The following PCDHGB7 variants were observed in gnomAD, a reference collection of about 807,000 sequenced individuals.
PCDHGB7 encodes the protein protocadherin gamma subfamily B, 7.
A neutral mutation model predicts 61.4 loss-of-function variants in PCDHGB7; 37 were observed. The observed-to-expected ratio is 0.60, with a 90% CI of 0.46 to 0.79. The LOEUF (loss-of-function observed/expected upper bound fraction) is 0.79. Ranked by LOEUF, PCDHGB7 falls within the 30% of genes least tolerant of loss-of-function variation. The pLI is 0.00. For synonymous variants in PCDHGB7, 464 were observed against 503.5 expected (o/e 0.92, Z 1.05); for missense variants, 1,166 against 1,202.5 (o/e 0.97, Z 0.45).
At position 141,491,969 on chromosome 5, in the gene PCDHGB7, C is replaced by A; in HGVS notation, c.2416-2838C>A. ...CCCCTACACTCAAAAAAGGCCGGGGCCTCCTTCGAGCTTCCGGTGAATTTC... is the reference window on the plus strand; with the variant it reads ...CCCCTACACTCAAAAAAGGCCGGGGACTCCTTCGAGCTTCCGGTGAATTTC... On this transcript the variant is annotated intron_variant, in intron 1 of 3. Coordinates refer to ENST00000398594, the MANE Select transcript of PCDHGB7 (RefSeq NM_018927.4). The surrounding 1 kb of genome is among the most constrained non-coding windows in gnomAD (Gnocchi z 6.9). 1 of 898,714 alleles carries A rather than the reference C, an allele frequency of 1.1e-6. No individual in the cohort carries two copies. Among genetic ancestry groups the A allele is most frequent in the Non-Finnish European group, 1.6e-6 (1 of 629,384 alleles). 55.7% of individuals were successfully genotyped at this position (898,714 alleles called of 1,614,324 possible). A position where few individuals can be genotyped will look rare whatever the true frequency, so the allele number is the denominator to read the frequency against.
rs761824602 is a variant in PCDHGB7, at chr5:141,418,433, C to A, written c.574C>A (p.Pro192Thr). The change falls in exon 1 of 4, where the codon CCA (proline) becomes ACA (threonine). Residue 192 changes from proline to threonine, a missense_variant. By Grantham distance (38) the Pro-to-Thr change is conservative (BLOSUM62 -1). Transcript: ENST00000398594. ...EKDNPDGGKYPELVLQKTLDR... is the reference protein window; with the variant it reads ...EKDNPDGGKYTELVLQKTLDR... ...AGACAATCCTGATGGTGGCAAATAT[C>A]CAGAATTAGTATTGCAGAAGACTCT... 6 of 1,613,820 alleles carry A rather than the reference C, an allele frequency of 3.7e-6. No homozygotes were observed. Among genetic ancestry groups the A allele is most frequent in the South Asian group, 3.3e-5 (3 of 91,082 alleles).
At chr5:141,471,786 A>G (rs1043196530) in intron 1 of PCDHGB7, among the ~76,000 whole-genome samples, 6 of 152,244 alleles carry the variant, frequency 3.9e-5, no homozygotes, top group African/African-American at 1.4e-4. Flanking sequence ...ACATTATGCT[A>G]TGTCATATAA....
intron 1 of PCDHGB7, among the ~76,000 whole-genome samples, chr5:141,436,175 A>G (rs1263518258): frequency 1.3e-5 from 2 of 152,192 alleles, no homozygotes; most frequent in Non-Finnish European, 2.9e-5. Flanking sequence ...CAGTTCTCAT[A>G]TATAGTCAAA....
At chr5:141,466,384 T>C (rs1209046694) in intron 1 of PCDHGB7, among the ~76,000 whole-genome samples, 9 of 152,168 alleles carry the variant, frequency 5.9e-5, no homozygotes, top group Non-Finnish European at 1.3e-4. Context: ...ACCCATCTAA[T>C]GGAAAGTTTG....
At chr5:141,468,758 C>G (rs929005462) in intron 1 of PCDHGB7, among the ~76,000 whole-genome samples, 1 of 151,802 alleles carries the variant, frequency 6.6e-6, no homozygotes, top group Admixed American at 6.6e-5. Context: ...CCCAGCTACT[C>G]GGGAGGCTGA....
chr5:141,422,087 G>A, intron 1 of PCDHGB7: 6 of 1,611,966 alleles, frequency 3.7e-6, no homozygotes, highest in Non-Finnish European at 5.1e-6. Context: ...AACATGGAAA[G>A]CAAGGCTTCT....
At position 141,431,052 on chromosome 5, in the gene PCDHGB7, G is replaced by A. The variant is rs148326556; in HGVS notation, c.2415+10778G>A. On this transcript the variant is annotated intron_variant, in intron 1 of 3. Transcript: ENST00000398594. The surrounding 1 kb of genome is among the most constrained non-coding windows in gnomAD (Gnocchi z 4.8). Reference sequence around the variant, plus strand: ...ATAGACCGGGAGGAGCTCTGTATGGGGGCCATCAAGTGTCAATTAAATCTA... The same window carrying A: ...ATAGACCGGGAGGAGCTCTGTATGGAGGCCATCAAGTGTCAATTAAATCTA... 2 of 1,614,228 alleles carry A rather than the reference G, an allele frequency of 1.2e-6. No individual in the cohort carries two copies. The highest frequency in any genetic ancestry group is 1.7e-6 in the Non-Finnish European group (2 of 1,180,044).
chr5:141,470,842 CA>C (rs1300821457), intron 1 of PCDHGB7, among the ~76,000 whole-genome samples: 2 of 152,044 alleles, frequency 1.3e-5, no homozygotes, highest in African/African-American at 4.8e-5. Flanking sequence ...CACACGCCAC[CA>C]TGCTCAGATA....
Position 141,490,109 on chromosome 5 carries a change from G to A in PCDHGB7, c.2416-4698G>A, listed in dbSNP as rs775286436. The A allele has an allele frequency of 3.4e-5, 55 of 1,614,114 alleles. No homozygotes were observed. Among genetic ancestry groups the A allele is most frequent in the African/African-American group, 8.0e-5 (6 of 74,940 alleles). ...GGAGACCACACATCTGAGGCAGTGC[G>A]GAACCTCTTTGGCCTAGACCCTAGC... On this transcript the variant is annotated intron_variant, in intron 1 of 3. Coordinates refer to ENST00000398594, the MANE Select transcript of PCDHGB7 (RefSeq NM_018927.4). This position sits in a 1 kb window ranked among gnomAD's most constrained non-coding sequence, Gnocchi z 5.4.
intron 1 of PCDHGB7, among the ~76,000 whole-genome samples, chr5:141,460,640 TGTTTACACATA>T (rs2098994223): frequency 6.6e-6 from 1 of 152,096 alleles, no homozygotes; most frequent in Admixed American, 6.6e-5. Flanking sequence ...TATATAACTG[TGTTTACACATA>T]TGTAACTGTA....
At chr5:141,508,371 C>T (rs1250979168) in intron 3 of PCDHGB7, 1 of 152,226 alleles carries the variant, frequency 6.6e-6, no homozygotes, top group East Asian at 1.9e-4. Flanking sequence ...CAACTTCTTC[C>T]CCTCAGATTT....
At chr5:141,456,695 T>C (rs1264543968) in intron 1 of PCDHGB7, among the ~76,000 whole-genome samples, 2 of 152,136 alleles carry the variant, frequency 1.3e-5, no homozygotes, top group Non-Finnish European at 2.9e-5. Flanking sequence ...CCAGGCGTGG[T>C]GGCTCGCGCC....
chr5:141,418,840 C>G lies in PCDHGB7; in HGVS notation c.981C>G (p.Leu327=). The change falls in exon 1 of 4, where the codon CTC becomes CTG. Residue 327 remains leucine, a synonymous_variant. Transcript: ENST00000398594. The part of the protein sequence containing the change: ...INIEAKDRGS[L]STRCKVIVEV... ...TAGAAGCAAAAGACCGAGGATCTCT[C>G]TCAACACGGTGTAAAGTAATTGTAG... 1 of 1,614,006 alleles carries G rather than the reference C, an allele frequency of 6.2e-7. No homozygotes were observed.
At chr5:141,504,452 T>C (rs1208972630) in intron 2 of PCDHGB7, among the ~76,000 whole-genome samples, 1 of 152,060 alleles carries the variant, frequency 6.6e-6, no homozygotes, top group Non-Finnish European at 1.5e-5. Flanking sequence ...TAGTGCCATG[T>C]GGGGCAGCCG....
Position 141,490,179 on chromosome 5 carries a change from A to G in PCDHGB7, c.2416-4628A>G. On this transcript the variant is annotated intron_variant, in intron 1 of 3. Transcript: ENST00000398594. This position sits in a 1 kb window ranked among gnomAD's most constrained non-coding sequence, Gnocchi z 5.4. Reference sequence around the variant, plus strand: ...TGGGTCCCATAGACTTTGAGGAGTCACGTTTCTATGAAATTCATGCAAGAG... The same window carrying G: ...TGGGTCCCATAGACTTTGAGGAGTCGCGTTTCTATGAAATTCATGCAAGAG... 1 of 1,614,202 alleles carries G rather than the reference A, an allele frequency of 6.2e-7. No individual in the cohort carries two copies. Among genetic ancestry groups the G allele is most frequent in the East Asian group, 2.2e-5 (1 of 44,882 alleles).
At chr5:141,467,099 C>T (rs2099136810) in intron 1 of PCDHGB7, among the ~76,000 whole-genome samples, 1 of 149,976 alleles carries the variant, frequency 6.7e-6, no homozygotes, top group Admixed American at 6.7e-5. Context: ...GTCACACAGG[C>T]TGGAGTACAA....
intron 1 of PCDHGB7, among the ~76,000 whole-genome samples, chr5:141,466,800 C>T (rs189985735): frequency 6.6e-6 from 1 of 152,240 alleles, no homozygotes; most frequent in East Asian, 1.9e-4. Context: ...AAACTAGATC[C>T]TATTCAGACA....
At chr5:141,462,144 G>A (rs984269848) in intron 1 of PCDHGB7, among the ~76,000 whole-genome samples, 1 of 152,042 alleles carries the variant, frequency 6.6e-6, no homozygotes, top group South Asian at 2.1e-4. Context: ...ATTTTTAGTA[G>A]AGATGGGGTT....
chr5:141,433,091 A>G (rs1344906248), intron 1 of PCDHGB7: 2 of 1,614,182 alleles, frequency 1.2e-6, no homozygotes, highest in African/African-American at 1.3e-5. Flanking sequence ...CTATGCAGAC[A>G]TGCTCGTCAG....
Sources: gnomAD v4.1 joint callset for allele counts (sites outside exome capture counted in the v4.1 genomes callset) on GRCh38, gnomAD v4.1.1 for gene constraint, Gnocchi (gnomAD v3.1) non-coding constraint, MANE v1.5 for transcripts, NCBI Gene and HGNC (gene_info 2026-07-23, HGNC 2026-07-21) for gene names.